TACC3: variants seen among roughly 807,000 people sequenced by gnomAD.
TACC3 encodes transforming acidic coiled-coil containing protein 3.
In TACC3, 52 loss-of-function variants were observed where a neutral mutation model predicts 86.0. That is an observed-to-expected ratio of 0.60 (90% confidence interval 0.48 to 0.76). The LOEUF is 0.76. Among genes scored for constraint, TACC3 ranks in the 30% least tolerant of loss-of-function variants. The probability of loss-of-function intolerance (pLI) is 0.00; values close to 1 mark genes in which losing one functional copy is unlikely to be tolerated. For synonymous variants in TACC3, 512 were observed against 430.0 expected, an observed-to-expected ratio of 1.19 and a Z score of -2.36; for missense variants, 1,120 against 1,070.4, an observed-to-expected ratio of 1.05 and a Z score of -0.65.
At chr4:1,734,191 GT>G (rs1700315153) in intron 6 of TACC3, among the ~76,000 whole-genome samples, 1 of 152,050 alleles carries the variant, frequency 6.6e-6, no homozygotes, top group Non-Finnish European at 1.5e-5. Context: ...TACCAGTTTG[GT>G]TTGTTTTTTT....
rs1157008955 is a variant in TACC3 at position 1,735,525 on chromosome 4, C to G, written c.1644+200C>G. On this transcript the variant is annotated intron_variant, in intron 7 of 15. Transcript: ENST00000313288. This position sits in a 1 kb window ranked among gnomAD's most constrained non-coding sequence, Gnocchi z 4.2. Reference sequence around the variant, plus strand: ...TGTCCTGTGGCAGGGCTCTAGGGCTCTCTACCTGGTGCCTAGCCCAGGATG... The same window carrying G: ...TGTCCTGTGGCAGGGCTCTAGGGCTGTCTACCTGGTGCCTAGCCCAGGATG... Among the ~76,000 whole-genome samples the G allele has an allele frequency of 1.3e-5, 2 of 152,142 alleles. No homozygotes were observed. The highest frequency in any genetic ancestry group is 2.4e-5 in the African/African-American group (1 of 41,422).
rs1168886835 is a variant in TACC3, at chr4:1,737,673, C to T, written c.1912C>T (p.Gln638Ter). ...LSTGPIVDLL[Q>*]YSQKDLDAVV... ...CACCGGACCTATAGTGGACCTGCTC[C>T]AGTACAGCCAGAAGGACCTGGATGC... Residue 638 changes from glutamine to a stop codon, truncating the protein, a stop_gained, in exon 10 of 16, where the codon CAG becomes TAG. Transcript: ENST00000313288. LOFTEE classifies it high-confidence loss of function. 6.4e-7 allele frequency: 1 copy of T among 1,550,834 alleles called. No individual in the cohort carries two copies. Among genetic ancestry groups the T allele is most frequent in the Non-Finnish European group, 8.7e-7 (1 of 1,146,796 alleles).
Position 1,728,015 on chromosome 4 carries a change from C to A in TACC3, c.613C>A (p.Pro205Thr). 1 of 1,613,228 alleles carries A rather than the reference C, an allele frequency of 6.2e-7. No individual in the cohort carries two copies. The highest frequency in any genetic ancestry group is 1.1e-5 in the South Asian group (1 of 91,088). Residue 205 changes from proline (P) to threonine (T), a missense_variant, in exon 4 of 16, where the codon CCT becomes ACT. Transcript: ENST00000313288. ...ACCCGCCTCTGAGACCCTAGAAGACCCTTGCAGGACAGAGTCCCAGCACAA... is the reference window on the plus strand; with the variant it reads ...ACCCGCCTCTGAGACCCTAGAAGACACTTGCAGGACAGAGTCCCAGCACAA... ...VTPASETLED[P>T]CRTESQHKAE...
intron 3 of TACC3, among the ~76,000 whole-genome samples, chr4:1,724,379 C>CTTT (rs35896374): frequency 1.2e-4 from 13 of 108,384 alleles, no homozygotes; most frequent in African/African-American, 2.8e-4. Flanking sequence ...TCATACTTCA[C>CTTT]TTTTTTTTTT....
chr4:1,734,273 C>T (rs1055530168), intron 6 of TACC3, among the ~76,000 whole-genome samples: 24 of 152,196 alleles, frequency 1.6e-4, no homozygotes, highest in African/African-American at 5.1e-4. Flanking sequence ...TTGCAACCTC[C>T]GCCTCCTGGG....
rs766481986 is a variant in TACC3, at chr4:1,723,813, C to G, written c.248C>G (p.Thr83Ser). 6.2e-7 allele frequency: 1 copy of G among 1,613,764 alleles called. No individual in the cohort carries two copies. Among genetic ancestry groups the G allele is most frequent in the East Asian group, 2.2e-5 (1 of 44,892 alleles). ...SMASKLEAPFTQDDTLGLENS... is the reference protein window; with the variant it reads ...SMASKLEAPFSQDDTLGLENS... ...GCCAGCAAACTTGAGGCTCCTTTCACTCAGGATGACACCCTTGGACTGGAA... is the reference window on the plus strand; with the variant it reads ...GCCAGCAAACTTGAGGCTCCTTTCAGTCAGGATGACACCCTTGGACTGGAA... Residue 83 changes from threonine to serine, a missense_variant, in exon 3 of 16, where the codon ACT becomes AGT. Physicochemically the swap from Thr to Ser is moderately conservative, Grantham distance 58 (BLOSUM62 1). Transcript: ENST00000313288.
intron 1 of TACC3, chr4:1,721,853 C>G (rs1384333198): frequency 1.3e-5 from 2 of 152,360 alleles, no homozygotes; most frequent in Admixed American, 6.5e-5. Flanking sequence ...GGCTGGGCCC[C>G]CTGGATGGTG....
At chr4:1,740,499 C>T (rs185970313) in intron 12 of TACC3, 37 of 324,186 alleles carry the variant, frequency 1.1e-4, no homozygotes, top group Middle Eastern at 8.8e-4. Flanking sequence ...AGGACCACCA[C>T]GAAGCACGAC....
rs752613534 is a variant in TACC3 at position 1,737,230 on chromosome 4, C to A, written c.1749-11C>A. The A allele has an allele frequency of 2.5e-6, 4 of 1,612,764 alleles. No homozygotes were observed. The South Asian group carries it at 4.4e-5, about 18-fold the overall frequency. ...GGCCTAGTGACTGAGGCTGCCTCTG[C>A]TTGGTGGCAGCATGCACGGTGCAAA... is the stretch of plus-strand genomic sequence containing the variant. On this transcript the variant is annotated splice_polypyrimidine_tract_variant and intron_variant, in intron 8 of 15. Coordinates refer to ENST00000313288, the MANE Select transcript of TACC3 (RefSeq NM_006342.3).
Position 1,744,483 on chromosome 4 carries a change from C to T in TACC3, c.2224-35C>T, listed in dbSNP as rs530841665. 3.8e-5 allele frequency: 61 copies of T among 1,592,018 alleles called. No homozygotes were observed. The Admixed American group carries it at 6.4e-4, about 17-fold the overall frequency. On this transcript the variant is annotated intron_variant, in intron 13 of 15. Coordinates refer to ENST00000313288, the MANE Select transcript of TACC3 (RefSeq NM_006342.3). ...AGCCTGGGTGCTCTCCAGCAGACGG[C>T]GTGGTACCCACAGCTAATGCCTGCC...
rs1717847177 is a variant in TACC3, at chr4:1,728,703, GC to G, written c.1304del (p.Pro435LeufsTer26). The G allele has an allele frequency of 1.2e-6, 2 of 1,613,606 alleles. No individual in the cohort carries two copies. Among genetic ancestry groups the G allele is most frequent in the Non-Finnish European group, 1.7e-6 (2 of 1,180,022 alleles). ...SGCSEAQPPESPETRLGQPAA... is the reference protein window; with the variant it reads ...SGCSEAQPPEXPETRLGQPAA... ...TGCAGTGAGGCCCAGCCCCCAGAAA[GC>G]CCTGAGACCAGGCTGGGCCAGCCAG... On this transcript the variant is annotated frameshift_variant, in exon 4 of 16. Coordinates refer to ENST00000313288, the MANE Select transcript of TACC3 (RefSeq NM_006342.3). LOFTEE classifies it high-confidence loss of function.
intron 13 of TACC3, among the ~76,000 whole-genome samples, chr4:1,744,063 C>T (rs1032721550): frequency 6.6e-6 from 1 of 152,146 alleles, no homozygotes; most frequent in Non-Finnish European, 1.5e-5. Flanking sequence ...AGTCACTGAG[C>T]GGAAGGTGCC....
Position 1,727,665 on chromosome 4 carries a change from C to G in TACC3, c.306-43C>G, listed in dbSNP as rs370619950. 4.3e-5 allele frequency: 66 copies of G among 1,538,806 alleles called. No individual in the cohort carries two copies. In the African/African-American group the frequency reaches 6.9e-4, roughly 16 times the overall value. ...ATGAATGCTGAGGCCCCTAACCTCACCAGGTACTCGCTGCTTCACGTTGAT... is the reference window on the plus strand; with the variant it reads ...ATGAATGCTGAGGCCCCTAACCTCAGCAGGTACTCGCTGCTTCACGTTGAT... On this transcript the variant is annotated intron_variant, in intron 3 of 15. Transcript: ENST00000313288.
At chr4:1,734,369 G>A (rs765540319) in intron 6 of TACC3, among the ~76,000 whole-genome samples, 43 of 152,186 alleles carry the variant, frequency 2.8e-4, no homozygotes, top group Non-Finnish European at 4.7e-4. Context: ...TGCATTTTTC[G>A]TAGAGACAGG....
Position 1,744,939 on chromosome 4 carries a change from C to G in TACC3, c.2452-9C>G. 6.2e-7 allele frequency: 1 copy of G among 1,611,838 alleles called. No homozygotes were observed. The highest frequency in any genetic ancestry group is 8.5e-7 in the Non-Finnish European group (1 of 1,179,542). On this transcript the variant is annotated splice_polypyrimidine_tract_variant and intron_variant, in intron 15 of 15. Transcript: ENST00000313288. The stretch of plus-strand genomic sequence containing the variant: ...GGGAGAAGCCCCGCAACTCATCTTC[C>G]TCCTCCAGACTAAAGAGAACGAGGA...
At chr4:1,729,025 A>G (rs1717867383) in intron 4 of TACC3, among the ~76,000 whole-genome samples, 1 of 152,212 alleles carries the variant, frequency 6.6e-6, no homozygotes, top group African/African-American at 2.4e-5. Context: ...GGATCCAATA[A>G]GGGCGGGCTC....
At chr4:1,724,379 CTT>C (rs35896374) in intron 3 of TACC3, among the ~76,000 whole-genome samples, 1,723 of 107,980 alleles carry the variant, frequency 0.016, 6 homozygotes, top group African/African-American at 0.035. Context: ...TCATACTTCA[CTT>C]TTTTTTTTTT....
intron 3 of TACC3, 59 bp downstream of exon 3, chr4:1,723,929 G>C (rs1273089570): frequency 3.8e-6 from 6 of 1,570,138 alleles, no homozygotes; most frequent in African/African-American, 1.4e-5. Flanking sequence ...GATGGTTCTT[G>C]CAGGAAAGTG....
At chr4:1,736,004 T>C (rs1355612913) in intron 8 of TACC3, among the ~76,000 whole-genome samples, 170 bp downstream of exon 8, 2 of 152,350 alleles carry the variant, frequency 1.3e-5, no homozygotes, top group Middle Eastern at 3.4e-3. Context: ...GCAGCCCTTG[T>C]GTGTCTGGCA....
Sources: allele counts gnomAD v4.1 joint callset (sites outside exome capture counted in the v4.1 genomes callset), GRCh38; gene constraint gnomAD v4.1.1; non-coding constraint Gnocchi (gnomAD v3.1); transcripts MANE v1.5; gene names NCBI Gene and HGNC (gene_info 2026-07-23, HGNC 2026-07-21).